The following PCDHGA1 variants were observed in gnomAD, a reference collection of about 807,000 sequenced individuals.
The protein encoded by PCDHGA1 is protocadherin gamma subfamily A, 1, also known as protocadherin gamma-A1.
A neutral mutation model predicts 58.0 loss-of-function variants in PCDHGA1; 32 were observed. The ratio of observed to expected loss-of-function variants is 0.55; its 90% CI spans 0.42 to 0.74. The LOEUF is 0.74. Ranked by LOEUF, PCDHGA1 falls within the 30% of genes least tolerant of loss-of-function variation. The pLI, the probability that PCDHGA1 is intolerant of heterozygous loss-of-function variation, is 0.00. For synonymous variants in PCDHGA1, 498 were observed against 501.1 expected, an observed-to-expected ratio of 0.99 and a Z score of 0.08; for missense variants, 1,205 against 1,182.3, an observed-to-expected ratio of 1.02 and a Z score of -0.28.
chr5:141,400,281 C>G, intron 1 of PCDHGA1: 5 of 1,614,016 alleles, frequency 3.1e-6, no homozygotes, highest in Non-Finnish European at 4.2e-6. Context: ...CCAGCCCTGC[C>G]GCCTGGAGCT....
intron 1 of PCDHGA1, chr5:141,478,144 G>A (rs2099432883): frequency 6.2e-7 from 1 of 1,613,918 alleles, no homozygotes; most frequent in Non-Finnish European, 8.5e-7. Flanking sequence ...CCCGAGCCGA[G>A]TTCCCCTCTG....
intron 1 of PCDHGA1, chr5:141,426,449 G>A (rs1449929836): frequency 1.6e-5 from 5 of 307,646 alleles, no homozygotes; most frequent in East Asian, 8.0e-5. Flanking sequence ...GAGGACATGC[G>A]GCTGCATGTT....
chr5:141,339,721 C>G (rs762403810), intron 1 of PCDHGA1: 2 of 1,614,044 alleles, frequency 1.2e-6, no homozygotes, highest in Non-Finnish European at 1.7e-6. Flanking sequence ...ACCGCATAAG[C>G]ATTCCGGAGA....
intron 1 of PCDHGA1, chr5:141,398,685 G>T: frequency 6.2e-7 from 1 of 1,613,966 alleles, no homozygotes; most frequent in Non-Finnish European, 8.5e-7. Flanking sequence ...AGGAGAAACA[G>T]GATGGTAGTA....
At chr5:141,383,319 A>G (rs778348189) in intron 1 of PCDHGA1, 1 of 1,614,020 alleles carries the variant, frequency 6.2e-7, no homozygotes, top group Non-Finnish European at 8.5e-7. Context: ...AAATAAATGT[A>G]AAAATAATGG....
At chr5:141,479,849 C>T (rs1014214860) in intron 1 of PCDHGA1, among the ~76,000 whole-genome samples, 7 of 152,208 alleles carry the variant, frequency 4.6e-5, no homozygotes. Context: ...AAGGTGACTG[C>T]AAGGCCTTTG....
chr5:141,365,153 G>A, intron 1 of PCDHGA1: 1 of 1,613,872 alleles, frequency 6.2e-7, no homozygotes, highest in Non-Finnish European at 8.5e-7. Flanking sequence ...GGGAATAAAC[G>A]GGAAATTGAC....
At chr5:141,438,579 CAT>C (rs2097974137) in intron 1 of PCDHGA1, among the ~76,000 whole-genome samples, 1 of 55,780 alleles carries the variant, frequency 1.8e-5, no homozygotes, top group Admixed American at 2.8e-4. Context: ...GATATACATA[CAT>C]ACATACATAC....
intron 1 of PCDHGA1, among the ~76,000 whole-genome samples, chr5:141,464,794 A>C (rs2154568597): frequency 6.6e-6 from 1 of 152,128 alleles, no homozygotes; most frequent in East Asian, 1.9e-4. Flanking sequence ...GCCAAATTGC[A>C]GTGATGCAGT....
intron 2 of PCDHGA1, among the ~76,000 whole-genome samples, chr5:141,497,905 C>T (rs1052659134): frequency 6.6e-6 from 1 of 152,178 alleles, no homozygotes; most frequent in Non-Finnish European, 1.5e-5. Context: ...GTAACTTCAA[C>T]TTCTCTCCTT....
At chr5:141,352,851 G>A (rs115443544) in intron 1 of PCDHGA1, among the ~76,000 whole-genome samples, 5,057 of 152,212 alleles carry the variant, frequency 0.033, 139 homozygotes, top group Admixed American at 0.067. Flanking sequence ...AGTTGGGTGT[G>A]GTGGCACGCG....
Position 141,332,006 on chromosome 5 carries a change from T to C in PCDHGA1, c.1322T>C (p.Leu441Pro). Reference sequence around the variant, plus strand: ...TCTACTGAAACTCACATTTCACTACTAGTGACAGATATCAATGACAACTCC... The same window carrying C: ...TCTACTGAAACTCACATTTCACTACCAGTGACAGATATCAATGACAACTCC... The part of the protein sequence containing the change: ...ALSTETHISL[L>P]VTDINDNSPV... The change falls in exon 1 of 4, where the codon CTA (leucine) becomes CCA (proline). Residue 441 changes from leucine to proline, a missense_variant. Physicochemically the swap from Leu to Pro is moderately conservative, Grantham distance 98 (BLOSUM62 -3). Transcript: ENST00000517417. The surrounding 1 kb of genome is among the most constrained non-coding windows in gnomAD (Gnocchi z 4.6). The C allele has an allele frequency of 6.2e-7, 1 of 1,614,130 alleles. No individual in the cohort carries two copies. The highest frequency in any genetic ancestry group is 8.5e-7 in the Non-Finnish European group (1 of 1,180,016).
chr5:141,344,591 T>C, intron 1 of PCDHGA1: 2 of 1,614,016 alleles, frequency 1.2e-6, no homozygotes, highest in Non-Finnish European at 1.7e-6. Context: ...ATAGCGTCTC[T>C]GAGGGGGCCA....
At chr5:141,405,031 C>T (rs760020802) in intron 1 of PCDHGA1, 4 of 1,613,968 alleles carry the variant, frequency 2.5e-6, no homozygotes, top group South Asian at 2.2e-5. Context: ...CCCTCTACCT[C>T]GTTGTGGCTG....
In PCDHGA1 at chr5:141,388,623, T is replaced by C. The variant is rs767536532; in HGVS notation, c.2421+55518T>C. On this transcript the variant is annotated intron_variant, in intron 1 of 3. Transcript: ENST00000517417. Reference sequence around the variant, plus strand: ...TGCTCCAGTGTTCAGTCAAGACGTATACAGGGTGAGCCTTTCAGAAAACGT... The same window carrying C: ...TGCTCCAGTGTTCAGTCAAGACGTACACAGGGTGAGCCTTTCAGAAAACGT... 3.6e-5 allele frequency: 58 copies of C among 1,613,846 alleles called. No individual in the cohort carries two copies. The highest frequency in any genetic ancestry group is 4.8e-5 in the Non-Finnish European group (57 of 1,179,886).
chr5:141,420,826 C>G (rs1246534925), intron 1 of PCDHGA1, among the ~76,000 whole-genome samples: 1 of 152,216 alleles, frequency 6.6e-6, no homozygotes, highest in Non-Finnish European at 1.5e-5. Flanking sequence ...AATAATTACT[C>G]CTTTCGCAGG....
chr5:141,415,906 A>G, intron 1 of PCDHGA1: 1 of 784,990 alleles, frequency 1.3e-6, no homozygotes, highest in Non-Finnish European at 1.8e-6. Context: ...ACAGACTTCC[A>G]TACAGAAGTG....
chr5:141,385,223 A>G, intron 1 of PCDHGA1: 2 of 1,614,184 alleles, frequency 1.2e-6, no homozygotes, highest in Non-Finnish European at 1.7e-6. Context: ...CAGCCCAACT[A>G]TGTAGACATG....
At chr5:141,356,608 TC>T in intron 1 of PCDHGA1, 1 of 1,614,146 alleles carries the variant, frequency 6.2e-7, no homozygotes, top group Non-Finnish European at 8.5e-7. Flanking sequence ...CAGAGGAGCC[TC>T]CATCTTATCT....
Sources: gnomAD v4.1 joint callset for allele counts (sites outside exome capture counted in the v4.1 genomes callset) on GRCh38, gnomAD v4.1.1 for gene constraint, Gnocchi (gnomAD v3.1) non-coding constraint, MANE v1.5 for transcripts, NCBI Gene and HGNC (gene_info 2026-07-23, HGNC 2026-07-21) for gene names.